CTNNA2: variants seen among roughly 807,000 people sequenced by gnomAD.
CTNNA2 encodes catenin alpha 2, also known as catenin alpha-2.
CTNNA2 carries 42 observed loss-of-function variants against 101.0 expected under a neutral mutation model. The ratio of observed to expected loss-of-function variants is 0.42; its 90% CI spans 0.32 to 0.54. The LOEUF (loss-of-function observed/expected upper bound fraction) is 0.54, where lower values mean the gene tolerates loss of function less well. Among genes scored for constraint, CTNNA2 ranks in the 20% least tolerant of loss-of-function variants. The pLI is 0.14. For synonymous variants in CTNNA2, 450 were observed against 456.4 expected (o/e 0.99, Z 0.18); for missense variants, 871 against 1,223.1 (o/e 0.71, Z 4.29).
chr2:79,705,926 G>C (rs1305872174), intron 2 of CTNNA2, among the ~76,000 whole-genome samples: 1 of 152,136 alleles, frequency 6.6e-6, no homozygotes, highest in East Asian at 1.9e-4. Flanking sequence ...AAGCTACAGA[G>C]AAGAGGTCAT....
At chr2:80,280,645 T>C (rs1674303981) in intron 7 of CTNNA2, among the ~76,000 whole-genome samples, 1 of 152,104 alleles carries the variant, frequency 6.6e-6, no homozygotes, top group Non-Finnish European at 1.5e-5. Context: ...CAGTTTCTGT[T>C]ACCCACAGTC....
chr2:79,627,822 C>T (rs577339623), intron 1 of CTNNA2, among the ~76,000 whole-genome samples: 4 of 152,022 alleles, frequency 2.6e-5, no homozygotes, highest in Non-Finnish European at 5.9e-5. Context: ...AAAGGGTTAA[C>T]ATTATTTGTT....
intron 6 of CTNNA2, among the ~76,000 whole-genome samples, chr2:79,885,205 C>T (rs780411717): frequency 6.6e-6 from 1 of 151,780 alleles, no homozygotes; most frequent in Non-Finnish European, 1.5e-5. Flanking sequence ...GAGAACGAAA[C>T]GCTGTATAGG....
chr2:79,401,960 G>T (rs1678294514), intron 4 of CTNNA2, among the ~76,000 whole-genome samples: 1 of 151,632 alleles, frequency 6.6e-6, no homozygotes, highest in African/African-American at 2.4e-5. Flanking sequence ...AAACTAAAAT[G>T]CTAGGAAAAA....
At chr2:80,187,137 T>C (rs925886389) in intron 7 of CTNNA2, among the ~76,000 whole-genome samples, 3 of 152,222 alleles carry the variant, frequency 2.0e-5, no homozygotes, top group Non-Finnish European at 4.4e-5. Context: ...CACATTTCTA[T>C]GTAATATATA....
chr2:80,035,801 G>T (rs2104230249), intron 7 of CTNNA2, among the ~76,000 whole-genome samples: 1 of 152,328 alleles, frequency 6.6e-6, no homozygotes, highest in South Asian at 2.1e-4. Flanking sequence ...GTCACCTTCA[G>T]TACCTAGGAA....
intron 7 of CTNNA2, among the ~76,000 whole-genome samples, chr2:80,250,200 A>AGTGT (rs1671654037): frequency 7.0e-6 from 1 of 142,380 alleles, no homozygotes; most frequent in African/African-American, 2.9e-5. Flanking sequence ...AGAGAGAGAG[A>AGTGT]GAGAGTGTGT....
intron 7 of CTNNA2, among the ~76,000 whole-genome samples, chr2:80,156,218 T>C (rs901673564): frequency 3.9e-5 from 6 of 152,214 alleles, no homozygotes; most frequent in Admixed American, 1.3e-4. Context: ...CTTCCAAATC[T>C]AGCCAATCAT....
At chr2:79,699,095 GT>G (rs1684826477) in intron 2 of CTNNA2, among the ~76,000 whole-genome samples, 1 of 152,042 alleles carries the variant, frequency 6.6e-6, no homozygotes, top group Admixed American at 6.6e-5. Context: ...ACTATAAAAT[GT>G]AGTACTAACT....
intron 1 of CTNNA2, among the ~76,000 whole-genome samples, chr2:79,588,634 A>C (rs531538107): frequency 2.6e-5 from 4 of 152,162 alleles, no homozygotes; most frequent in Non-Finnish European, 5.9e-5. Context: ...TTTTTGAAAT[A>C]AATAATTGTA....
intron 4 of CTNNA2, among the ~76,000 whole-genome samples, chr2:79,487,601 G>GCAGCTGAGCTCTCAGCATTC (rs982888654): frequency 6.6e-5 from 10 of 152,312 alleles, no homozygotes; most frequent in East Asian, 5.8e-4. Context: ...GTGGTCAGCT[G>GCAGCTGAGCTCTCAGCATTC]CAGCTGAGCT....
rs1342770747 is a variant in CTNNA2, at chr2:80,300,279, GGGGTGTGTGTGTGTGTGTGTGTGTGT to G, written c.1057-92930_1057-92905del. Among the ~76,000 whole-genome samples, 42 of 128,082 alleles carry G rather than the reference GGGGTGTGTGTGTGTGTGTGTGTGTGT, an allele frequency of 3.3e-4. No individual in the cohort carries two copies. The South Asian group carries it at 5.0e-3, about 15-fold the overall frequency. The allele number at this position is 128,082 out of a possible 152,430, so 84.0% of individuals were successfully genotyped here. On this transcript the variant is annotated intron_variant, in intron 7 of 18. Transcript: ENST00000402739. ...GCCAGGAAAAATGAGCTGGGGTGTT[GGGGTGTGTGTGTGTGTGTGTGTGTGT>G]GTGTGTGTGTGTGTGTGTGTGTGTG...
intron 3 of CTNNA2, among the ~76,000 whole-genome samples, chr2:79,340,615 C>G (rs1042584810): frequency 1.3e-5 from 2 of 151,994 alleles, no homozygotes; most frequent in African/African-American, 2.4e-5. Context: ...GGGCGGATCA[C>G]GAGGTCAGGA....
At chr2:80,068,071 T>C (rs1698096394) in intron 7 of CTNNA2, among the ~76,000 whole-genome samples, 1 of 152,204 alleles carries the variant, frequency 6.6e-6, no homozygotes, top group South Asian at 2.1e-4. Flanking sequence ...CGCAGGGTAA[T>C]TTGACATGCA....
At position 80,242,165 on chromosome 2, in the gene CTNNA2, T is replaced by C. The variant is rs557472747; in HGVS notation, c.1057-151046T>C. 5.0e-4 allele frequency among the ~76,000 whole-genome samples: 76 copies of C among 152,206 alleles called. 2 individuals carry two copies. Among genetic ancestry groups the C allele is most frequent in the Non-Finnish European group, 9.0e-4 (61 of 68,034 alleles). On this transcript the variant is annotated intron_variant, in intron 7 of 18. Coordinates refer to ENST00000402739, the MANE Select transcript of CTNNA2 (RefSeq NM_001282597.3). ...ACTGAGACTGGAGAAGATTTTATGG[T>C]GGAAATCTCTCAGATTCCTTTATTC... is the stretch of plus-strand genomic sequence containing the variant.
intron 8 of CTNNA2, among the ~76,000 whole-genome samples, chr2:80,411,270 C>A (rs1223034332): frequency 1.3e-5 from 2 of 152,128 alleles, no homozygotes; most frequent in African/African-American, 4.8e-5. Flanking sequence ...CTATCTTAGA[C>A]CACAAGTTCT....
chr2:80,233,114 G>A (rs1709351330), intron 7 of CTNNA2, among the ~76,000 whole-genome samples: 1 of 152,102 alleles, frequency 6.6e-6, no homozygotes, highest in Non-Finnish European at 1.5e-5. Flanking sequence ...CTGCCACCCT[G>A]AAAATTCAGT....
At chr2:80,579,377 C>T (rs534569310) in intron 13 of CTNNA2, 59 of 152,164 alleles carry the variant, frequency 3.9e-4, no homozygotes, top group African/African-American at 1.2e-3. Flanking sequence ...TGAGATTTTT[C>T]GATTTACTTT....
Position 80,648,019 on chromosome 2 carries a change from G to GATGAGATCAATACTACT in CTNNA2, c.*148_*164dup. On this transcript the variant is annotated 3_prime_UTR_variant, in exon 19 of 19. Transcript: ENST00000402739. ...CAGTGTCTGTTTGCATGTAAGATGA[G>GATGAGATCAATACTACT]ATGAGATCAATACTACTGATCCATC... 1 of 719,252 alleles carries GATGAGATCAATACTACT rather than the reference G, an allele frequency of 1.4e-6. No homozygotes were observed. The highest frequency in any genetic ancestry group is 2.2e-6 in the Non-Finnish European group (1 of 450,300). 44.6% of individuals were successfully genotyped at this position (719,252 alleles called of 1,614,324 possible).
Sources: allele counts gnomAD v4.1 joint callset (sites outside exome capture counted in the v4.1 genomes callset), GRCh38; gene constraint gnomAD v4.1.1; transcripts MANE v1.5; gene names NCBI Gene and HGNC (gene_info 2026-07-23, HGNC 2026-07-21).